The following LRRIQ1 variants were observed in gnomAD, a reference collection of about 807,000 sequenced individuals.
LRRIQ1 encodes leucine rich repeats and IQ motif containing 1.
LRRIQ1 carries 210 observed loss-of-function variants against 211.9 expected under a neutral mutation model. The observed-to-expected ratio is 0.99, with a 90% CI of 0.89 to 1.11. LRRIQ1 has a LOEUF of 1.11. Ranked by LOEUF, LRRIQ1 falls within the 50% of genes most tolerant of loss-of-function variation. The probability of loss-of-function intolerance (pLI) is 0.00; values close to 1 mark genes in which losing one functional copy is unlikely to be tolerated. For missense variants in LRRIQ1, 2,136 were observed against 1,939.5 expected (o/e 1.10, Z -1.90); for synonymous variants, 699 against 650.1 (o/e 1.08, Z -1.14).
intron 24 of LRRIQ1, among the ~76,000 whole-genome samples, chr12:85,167,660 G>A (rs1592914822): frequency 6.6e-6 from 1 of 152,068 alleles, no homozygotes; most frequent in Admixed American, 6.6e-5. Flanking sequence ...TTGAGGGTGG[G>A]CCTGCCTTTC....
chr12:85,072,761 C>G, intron 10 of LRRIQ1, 146 bp from the exon 11 acceptor site: 1 of 430,378 alleles, frequency 2.3e-6, no homozygotes, highest in Non-Finnish European at 4.0e-6. Flanking sequence ...CCTTTTGAAT[C>G]AAGTTTAGAC....
chr12:85,213,043 A>C (rs1893913318), intron 24 of LRRIQ1, among the ~76,000 whole-genome samples: 1 of 151,772 alleles, frequency 6.6e-6, no homozygotes, highest in Admixed American at 6.6e-5. Context: ...ATAAATGATT[A>C]AATAGCCCAG....
chr12:85,195,642 C>T (rs1370512657), intron 24 of LRRIQ1, among the ~76,000 whole-genome samples: 1 of 151,274 alleles, frequency 6.6e-6, no homozygotes, highest in Non-Finnish European at 1.5e-5. Context: ...ATGCTAAAAA[C>T]TCTCAATAAA....
At chr12:85,139,803 G>A (rs1242723213) in intron 19 of LRRIQ1, among the ~76,000 whole-genome samples, 1 of 151,316 alleles carries the variant, frequency 6.6e-6, no homozygotes. Context: ...TATTAGGTTA[G>A]GAAACTGCTT....
intron 26 of LRRIQ1, among the ~76,000 whole-genome samples, chr12:85,240,210 A>C (rs1895398202): frequency 6.6e-6 from 1 of 152,186 alleles, no homozygotes; most frequent in Non-Finnish European, 1.5e-5. Context: ...TTCTGTCAAA[A>C]GCAAATGAAA....
intron 19 of LRRIQ1, among the ~76,000 whole-genome samples, chr12:85,144,880 AT>A (rs748368602): frequency 6.6e-6 from 1 of 151,640 alleles, no homozygotes; most frequent in Non-Finnish European, 1.5e-5. Flanking sequence ...CCATCACTTT[AT>A]TTTAAAATCA....
intron 24 of LRRIQ1, among the ~76,000 whole-genome samples, chr12:85,214,327 G>C (rs1351174923): frequency 2.0e-5 from 3 of 151,972 alleles, no homozygotes; most frequent in Non-Finnish European, 4.4e-5. Flanking sequence ...AATCCCACAA[G>C]GTGTTTATGA....
rs1890818301 is a variant in LRRIQ1, at chr12:85,160,699, G to A, written c.4807G>A (p.Asp1603Asn). ...KSPKMVQPRR[D>N]GYFEGIEEDP... ...ACCAAAGATGGTACAGCCCAGAAGA[G>A]ATGGTTACTTTGAAGGTATGGCTTA... Residue 1603 changes from aspartate to asparagine, a missense_variant, in exon 24 of 27, where the codon GAT (aspartate) becomes AAT (asparagine). By Grantham distance (23) the Asp-to-Asn change is conservative. Transcript: ENST00000393217. 4 of 1,589,260 alleles carry A rather than the reference G, an allele frequency of 2.5e-6. No individual in the cohort carries two copies. The Admixed American group carries it at 5.0e-5, about 20-fold the overall frequency.
intron 23 of LRRIQ1, among the ~76,000 whole-genome samples, chr12:85,157,188 C>A (rs374307700): frequency 1.3e-5 from 2 of 151,710 alleles, no homozygotes; most frequent in African/African-American, 2.4e-5. Context: ...GAAGAGGCAA[C>A]AAACTGAGCG....
chr12:85,116,434 G>C (rs1298119151), intron 15 of LRRIQ1, among the ~76,000 whole-genome samples: 2 of 152,114 alleles, frequency 1.3e-5, no homozygotes, highest in Non-Finnish European at 2.9e-5. Context: ...GTGAGCCACC[G>C]GGCACGGCCG....
intron 24 of LRRIQ1, among the ~76,000 whole-genome samples, chr12:85,215,017 G>A (rs1385331150): frequency 6.6e-6 from 1 of 151,948 alleles, no homozygotes; most frequent in African/African-American, 2.4e-5. Flanking sequence ...AAATAAACAG[G>A]AAGTTTTAAC....
chr12:85,097,832 T>C (rs1352315900), intron 11 of LRRIQ1, among the ~76,000 whole-genome samples: 2 of 152,162 alleles, frequency 1.3e-5, no homozygotes, highest in Non-Finnish European at 2.9e-5. Context: ...ATTTTGTAGA[T>C]AGTATCATAC....
chr12:85,043,816 A>T (rs1879203295), intron 3 of LRRIQ1, among the ~76,000 whole-genome samples: 1 of 152,210 alleles, frequency 6.6e-6, no homozygotes. Context: ...AAGTTCAGAG[A>T]CATTAATCCT....
At chr12:85,245,864 T>C (rs771091969), downstream of LRRIQ1, among the ~76,000 whole-genome samples, 10 of 150,906 alleles carry the variant, frequency 6.6e-5, no homozygotes, top group Non-Finnish European at 1.2e-4. Context: ...ACTGGTATTA[T>C]AGTTACATAT....
At chr12:85,051,998 T>C (rs1880384251) in intron 6 of LRRIQ1, among the ~76,000 whole-genome samples, 179 bp from the exon 7 acceptor site, 2 of 152,146 alleles carry the variant, frequency 1.3e-5, no homozygotes, top group Admixed American at 1.3e-4. Flanking sequence ...ACCCTAGGTA[T>C]TATGTGACAC....
At chr12:85,057,662 G>T (rs1441741352) in intron 8 of LRRIQ1, among the ~76,000 whole-genome samples, 2 of 152,014 alleles carry the variant, frequency 1.3e-5, no homozygotes, top group Admixed American at 1.3e-4. Flanking sequence ...TTCCCATCTA[G>T]CAACAATTAT....
chr12:85,081,418 C>T (rs1484146657), intron 11 of LRRIQ1, among the ~76,000 whole-genome samples: 5 of 151,566 alleles, frequency 3.3e-5, no homozygotes, highest in South Asian at 2.1e-4. Flanking sequence ...ATTTCTCCTT[C>T]CTCTCCTCTG....
At chr12:85,046,160 A>G (rs375328847) in intron 5 of LRRIQ1, 23 bp downstream of exon 5, 4 of 1,351,196 alleles carry the variant, frequency 3.0e-6, no homozygotes, top group Non-Finnish European at 4.2e-6. Flanking sequence ...GCTCAATGAT[A>G]TGTTTGTTGA....
chr12:85,156,989 G>A (rs1027870716), intron 23 of LRRIQ1, among the ~76,000 whole-genome samples: 9 of 151,830 alleles, frequency 5.9e-5, no homozygotes, highest in Admixed American at 4.6e-4. Flanking sequence ...TCAGTAGCAA[G>A]CACTTCATAT....
Sources: gnomAD v4.1 joint callset for allele counts (sites outside exome capture counted in the v4.1 genomes callset) on GRCh38, gnomAD v4.1.1 for gene constraint, MANE v1.5 for transcripts, NCBI Gene and HGNC (gene_info 2026-07-23, HGNC 2026-07-21) for gene names.